The following GSN variants were observed in gnomAD, a reference collection of about 807,000 sequenced individuals.
The protein encoded by GSN is actin-depolymerizing factor.
Under a neutral mutation model 85.7 loss-of-function variants are expected in GSN, and 56 were observed. The ratio of observed to expected loss-of-function variants is 0.65; its 90% CI spans 0.53 to 0.82. GSN has a LOEUF of 0.82. Ranked by LOEUF, GSN falls within the 40% of genes least tolerant of loss-of-function variation. The probability of loss-of-function intolerance (pLI) is 0.00; values close to 1 mark genes in which losing one functional copy is unlikely to be tolerated. For synonymous variants in GSN, 373 were observed against 399.1 expected, an observed-to-expected ratio of 0.93 and a Z score of 0.78; for missense variants, 857 against 979.8, an observed-to-expected ratio of 0.87 and a Z score of 1.67.
intron 2 of GSN, among the ~76,000 whole-genome samples, chr9:121,291,405 T>C (rs575520304): frequency 6.9e-6 from 1 of 145,124 alleles, no homozygotes; most frequent in East Asian, 2.0e-4. Flanking sequence ...CTGATATGTC[T>C]CCCCACTGGA....
chr9:121,292,035 T>C (rs2058742567), intron 2 of GSN, among the ~76,000 whole-genome samples: 1 of 152,198 alleles, frequency 6.6e-6, no homozygotes, highest in Non-Finnish European at 1.5e-5. Flanking sequence ...TAGCTAGAAC[T>C]ACTGGTGCAT....
chr9:121,268,829 G>A (rs1457492920), intron 1 of GSN, among the ~76,000 whole-genome samples: 1 of 152,206 alleles, frequency 6.6e-6, no homozygotes, highest in East Asian at 1.9e-4. Flanking sequence ...GTTGAAGACA[G>A]TGATTGGAAC....
At chr9:121,222,895 G>T (rs567115740) in intron 4 of GSN, 1 of 127,356 alleles carries the variant, frequency 7.9e-6, no homozygotes, top group South Asian at 2.2e-4. Context: ...CCTTGGACTT[G>T]GGGGGGGGTC....
chr9:121,269,212 T>C (rs1044677646), intron 1 of GSN, among the ~76,000 whole-genome samples: 2 of 152,140 alleles, frequency 1.3e-5, no homozygotes, highest in African/African-American at 4.8e-5. Context: ...AAACACTTAA[T>C]CCTGTGTGTC....
intron 2 of GSN, among the ~76,000 whole-genome samples, chr9:121,293,799 A>G (rs1014691655): frequency 2.6e-5 from 4 of 152,198 alleles, no homozygotes; most frequent in Admixed American, 2.0e-4. Context: ...TCTTTTAACA[A>G]TAAAAGCAGC....
intron 4 of GSN, among the ~76,000 whole-genome samples, chr9:121,218,953 T>G (rs2054117940): frequency 6.6e-6 from 1 of 152,196 alleles, no homozygotes; most frequent in Non-Finnish European, 1.5e-5. Context: ...GACAATAATA[T>G]TCATCTCCCA....
At chr9:121,263,560 G>C (rs571787818), upstream of GSN, among the ~76,000 whole-genome samples, 3 of 152,080 alleles carry the variant, frequency 2.0e-5, no homozygotes, top group Non-Finnish European at 2.9e-5. Flanking sequence ...GCAGGAGAGA[G>C]AGTGTGTGAA....
rs1199378783 is a variant in GSN, at chr9:121,329,962, C to T, written c.1965+647C>T. 6.6e-6 allele frequency among the ~76,000 whole-genome samples: 1 copy of T among 152,204 alleles called. No individual in the cohort carries two copies. Among genetic ancestry groups the T allele is most frequent in the Non-Finnish European group, 1.5e-5 (1 of 68,044 alleles). ...GTCACCTTTCCTATCAAGGTGGCTT[C>T]TCCCAGAGTCCTCAGAGTTACGGAG... On this transcript the variant is annotated intron_variant, in intron 16 of 17. Coordinates refer to ENST00000432226, the MANE Select transcript of GSN (RefSeq NM_198252.3). This position sits in a 1 kb window ranked among gnomAD's most constrained non-coding sequence, Gnocchi z 4.6.
chr9:121,327,378 TGTGG>T lies in GSN; in HGVS notation c.1665_1668del (p.Gly556GlnfsTer50). The T allele has an allele frequency of 6.2e-7, 1 of 1,613,760 alleles. No homozygotes were observed. The highest frequency in any genetic ancestry group is 1.1e-5 in the South Asian group (1 of 90,988). ...CTGAAAACCCCCTCAGCCGCCTACC[TGTGG>T]GTGGGTACAGGAGCCAGCGAGGCAG... is the stretch of plus-strand genomic sequence containing the variant. On this transcript the variant is annotated frameshift_variant, in exon 14 of 18. Transcript: ENST00000432226. LOFTEE classifies it high-confidence loss of function.
intron 11 of GSN, among the ~76,000 whole-genome samples, chr9:121,323,286 T>G (rs1250843496): frequency 1.3e-5 from 2 of 151,754 alleles, no homozygotes; most frequent in African/African-American, 4.8e-5. Flanking sequence ...ATAGCACAAT[T>G]AACAAAGCCA....
At position 121,299,279 on chromosome 9, in the gene GSN, G is replaced by T; in HGVS notation, c.-9-2684G>T. 1 of 985,290 alleles carries T rather than the reference G, an allele frequency of 1.0e-6. No homozygotes were observed. The highest frequency in any genetic ancestry group is 1.2e-6 in the Non-Finnish European group (1 of 829,782). 61.0% of individuals were successfully genotyped at this position (985,290 alleles called of 1,614,324 possible). On this transcript the variant is annotated intron_variant, in intron 2 of 17. Transcript: ENST00000432226. The surrounding 1 kb of genome is among the most constrained non-coding windows in gnomAD (Gnocchi z 4.2). Reference sequence around the variant, plus strand: ...CGGCTTCACCTGCCCACGGGAGCCGGGTCCCCTGCCCTGCTGCGGCGCATG... The same window carrying T: ...CGGCTTCACCTGCCCACGGGAGCCGTGTCCCCTGCCCTGCTGCGGCGCATG...
At chr9:121,316,281 T>C (rs78953800) in intron 7 of GSN, among the ~76,000 whole-genome samples, 2 of 152,350 alleles carry the variant, frequency 1.3e-5, no homozygotes, top group East Asian at 3.8e-4. Flanking sequence ...TACCATTCAC[T>C]CAGCTTCTCC....
chr9:121,228,596 G>A, intron 4 of GSN, among the ~76,000 whole-genome samples: 1 of 151,290 alleles, frequency 6.6e-6, no homozygotes, highest in East Asian at 1.9e-4. Flanking sequence ...ACCATACCCG[G>A]ATAATTTTTG....
At chr9:121,244,424 T>G (rs2054660581) in intron 5 of GSN, among the ~76,000 whole-genome samples, 1 of 152,250 alleles carries the variant, frequency 6.6e-6, no homozygotes, top group Admixed American at 6.5e-5. Flanking sequence ...CAAAATGTTT[T>G]CCAAAGTGGC....
Position 121,299,339 on chromosome 9 carries a change from G to C in GSN, c.-9-2624G>C, listed in dbSNP as rs1044400872. ...GGGGGTTCTGCCCAGGCCCACTACG[G>C]CCTGAGTTCAAATCCCGGCAGCACC... On this transcript the variant is annotated intron_variant, in intron 2 of 17. Coordinates refer to ENST00000432226, the MANE Select transcript of GSN (RefSeq NM_198252.3). The surrounding 1 kb of genome is among the most constrained non-coding windows in gnomAD (Gnocchi z 4.2). The C allele has an allele frequency of 2.0e-6, 2 of 983,762 alleles. No homozygotes were observed. The highest frequency in any genetic ancestry group is 4.7e-5 in the South Asian group (1 of 21,248). The allele number at this position is 983,762 out of a possible 1,614,324, so 60.9% of individuals were successfully genotyped here. A position where few individuals can be genotyped will look rare whatever the true frequency, so the allele number is the denominator to read the frequency against.
chr9:121,324,555 C>A lies in GSN; in HGVS notation c.1327C>A (p.Gln443Lys). The change falls in exon 12 of 18, where the codon CAG becomes AAG. Residue 443 changes from glutamine (Q) to lysine (K), a missense_variant and splice_region_variant. By Grantham distance (53) the Gln-to-Lys change is moderately conservative. Coordinates refer to ENST00000432226, the MANE Select transcript of GSN (RefSeq NM_198252.3). ...GRQGQIIYNW[Q>K]GAQSTQDEVA... ...GCTGAATCTCACTTCCCCTTCCAGG[C>A]AGGGTGCCCAGTCTACCCAGGATGA... is the stretch of plus-strand genomic sequence containing the variant. 1.3e-6 allele frequency: 2 copies of A among 1,506,464 alleles called. No homozygotes were observed. Among genetic ancestry groups the A allele is most frequent in the Non-Finnish European group, 9.0e-7 (1 of 1,107,556 alleles). The allele number at this position is 1,506,464 out of a possible 1,614,324, so 93.3% of individuals were successfully genotyped here.
At chr9:121,323,911 A>G (rs542764111) in intron 11 of GSN, among the ~76,000 whole-genome samples, 117 of 152,334 alleles carry the variant, frequency 7.7e-4, no homozygotes, top group Admixed American at 6.5e-4. Context: ...CACCTGGTAC[A>G]AAATGTGTGA....
Position 121,318,342 on chromosome 9 carries a change from A to C in GSN, c.887-64A>C, listed in dbSNP as rs2061960667. Reference sequence around the variant, plus strand: ...GGCAGCTCCTTCTCCTGGACTGTTAAAGGTCAGGATGCAGCAGGATCCCGG... The same window carrying C: ...GGCAGCTCCTTCTCCTGGACTGTTACAGGTCAGGATGCAGCAGGATCCCGG... On this transcript the variant is annotated intron_variant, in intron 8 of 17. Coordinates refer to ENST00000432226, the MANE Select transcript of GSN (RefSeq NM_198252.3). This position sits in a 1 kb window ranked among gnomAD's most constrained non-coding sequence, Gnocchi z 4.3. 3.9e-6 allele frequency: 5 copies of C among 1,282,206 alleles called. No individual in the cohort carries two copies. Among genetic ancestry groups the C allele is most frequent in the African/African-American group, 2.9e-5 (2 of 68,540 alleles). The allele number at this position is 1,282,206 out of a possible 1,614,324, so 79.4% of individuals were successfully genotyped here. A position where few individuals can be genotyped will look rare whatever the true frequency, so the allele number is the denominator to read the frequency against.
chr9:121,253,698 G>C (rs902948574), intron 6 of GSN, among the ~76,000 whole-genome samples: 1 of 151,374 alleles, frequency 6.6e-6, no homozygotes, highest in Non-Finnish European at 1.5e-5. Flanking sequence ...AGGAATAGGC[G>C]GTTCTCTCTC....
Sources: allele counts gnomAD v4.1 joint callset (sites outside exome capture counted in the v4.1 genomes callset), GRCh38; gene constraint gnomAD v4.1.1; non-coding constraint Gnocchi (gnomAD v3.1); transcripts MANE v1.5; gene names NCBI Gene and HGNC (gene_info 2026-07-23, HGNC 2026-07-21).